Variants in ASTN2 observed in about 807,000 individuals in gnomAD.
ASTN2 encodes the protein astrotactin 2.
A neutral mutation model predicts 139.8 loss-of-function variants in ASTN2; 54 were observed. The observed-to-expected ratio is 0.39, with a 90% CI of 0.31 to 0.48. The LOEUF is 0.48. Among genes scored for constraint, ASTN2 ranks in the 20% least tolerant of loss-of-function variants. The pLI, the probability that ASTN2 is intolerant of heterozygous loss-of-function variation, is 0.95. For missense variants in ASTN2, 1,565 were observed against 1,725.1 expected, an observed-to-expected ratio of 0.91 and a Z score of 1.64; for synonymous variants, 756 against 719.5, an observed-to-expected ratio of 1.05 and a Z score of -0.81.
intron 19 of ASTN2, among the ~76,000 whole-genome samples, chr9:116,581,402 C>T (rs964887819): frequency 3.3e-5 from 5 of 152,144 alleles, no homozygotes; most frequent in Non-Finnish European, 7.3e-5. Context: ...TTACCTGGTG[C>T]CCCAGTTCCC....
chr9:116,784,967 T>C (rs1483724011), intron 13 of ASTN2, among the ~76,000 whole-genome samples: 1 of 148,358 alleles, frequency 6.7e-6, no homozygotes, highest in Non-Finnish European at 1.5e-5. Context: ...GAGCAAGAAA[T>C]GGATATTTGA....
At chr9:116,674,421 G>A (rs1223452609) in intron 16 of ASTN2, among the ~76,000 whole-genome samples, 2 of 152,332 alleles carry the variant, frequency 1.3e-5, no homozygotes, top group East Asian at 3.9e-4. Flanking sequence ...TAATGACAAA[G>A]GCTTTGAGTC....
intron 16 of ASTN2, among the ~76,000 whole-genome samples, chr9:116,724,224 A>G (rs1828553390): frequency 1.3e-5 from 2 of 152,206 alleles, no homozygotes; most frequent in Admixed American, 1.3e-4. Flanking sequence ...CTGCTTAATG[A>G]TGTGTCACAT....
At chr9:117,032,958 C>T (rs932016668) in intron 6 of ASTN2, among the ~76,000 whole-genome samples, 3 of 152,088 alleles carry the variant, frequency 2.0e-5, no homozygotes, top group African/African-American at 4.8e-5. Context: ...AATAAAAAGA[C>T]ATTTTAGCAT....
intron 10 of ASTN2, among the ~76,000 whole-genome samples, chr9:116,968,452 G>C (rs562856780): frequency 7.2e-4 from 109 of 152,278 alleles, no homozygotes; most frequent in Non-Finnish European, 7.4e-5. Context: ...TGCTCCAAGA[G>C]TCATTGCTGA....
intron 2 of ASTN2, among the ~76,000 whole-genome samples, chr9:117,238,391 G>T (rs549894505): frequency 6.6e-6 from 1 of 152,146 alleles, no homozygotes; most frequent in Non-Finnish European, 1.5e-5. Context: ...AAGTGACGTT[G>T]GTCAAGTCCT....
intron 7 of ASTN2, among the ~76,000 whole-genome samples, chr9:116,999,548 CTTTTTTTTTTTTT>C (rs71379248): frequency 8.6e-4 from 82 of 94,922 alleles, no homozygotes; most frequent in African/African-American, 3.7e-3. Flanking sequence ...TTCTCTCTTT[CTTTTTTTTTTTTT>C]TTTTTTTTTT....
chr9:117,205,950 C>G (rs79257809), intron 3 of ASTN2, among the ~76,000 whole-genome samples: 2,462 of 152,270 alleles, frequency 0.016, 60 homozygotes, highest in African/African-American at 0.057. Context: ...TCCAAATAAT[C>G]AATTGTCCCC....
intron 10 of ASTN2, among the ~76,000 whole-genome samples, chr9:116,907,861 C>T (rs1336747038): frequency 6.6e-6 from 1 of 152,076 alleles, no homozygotes; most frequent in Non-Finnish European, 1.5e-5. Flanking sequence ...CAAATTCCCC[C>T]TAGTAAGATG....
At chr9:117,136,629 G>A (rs930473903) in intron 4 of ASTN2, among the ~76,000 whole-genome samples, 5 of 152,172 alleles carry the variant, frequency 3.3e-5, no homozygotes, top group African/African-American at 4.8e-5. Context: ...AGCTGTCAGG[G>A]TAGAGCATGC....
chr9:117,229,817 G>A (rs1433673354), intron 2 of ASTN2, among the ~76,000 whole-genome samples: 1 of 152,044 alleles, frequency 6.6e-6, no homozygotes, highest in Non-Finnish European at 1.5e-5. Context: ...GGTGGAATAG[G>A]GACTGGTGGT....
At chr9:117,009,548 C>A (rs1837453236) in intron 6 of ASTN2, among the ~76,000 whole-genome samples, 1 of 152,076 alleles carries the variant, frequency 6.6e-6, no homozygotes, top group Non-Finnish European at 1.5e-5. Flanking sequence ...CCAAACAGAA[C>A]CAGGCTTCAC....
intron 13 of ASTN2, among the ~76,000 whole-genome samples, chr9:116,779,404 GA>G (rs1830161504): frequency 1.3e-5 from 2 of 152,202 alleles, no homozygotes; most frequent in East Asian, 3.9e-4. Context: ...CCCCTCACCA[GA>G]CACTGAACCT....
chr9:117,321,891 A>G (rs974014144), intron 1 of ASTN2, among the ~76,000 whole-genome samples: 1 of 152,130 alleles, frequency 6.6e-6, no homozygotes, highest in Admixed American at 6.5e-5. Context: ...ACTGGCTCCA[A>G]ATATGGTCAA....
At chr9:116,431,229 G>C (rs2118827222) in intron 22 of ASTN2, among the ~76,000 whole-genome samples, 1 of 152,228 alleles carries the variant, frequency 6.6e-6, no homozygotes, top group Middle Eastern at 3.4e-3. Flanking sequence ...TTTCTAAGGG[G>C]ACCCTGAAAT....
intron 1 of ASTN2, among the ~76,000 whole-genome samples, chr9:117,332,419 A>C (rs925512074): frequency 2.6e-5 from 4 of 152,218 alleles, no homozygotes; most frequent in Admixed American, 2.0e-4. Context: ...AAAAATACAA[A>C]AATTAGCTGG....
rs374263481 is a variant in ASTN2, at chr9:116,651,705, T to C, written c.2895A>G (p.Ser965=). Residue 965 remains serine (S), a synonymous_variant, in exon 17 of 23, where the codon TCA becomes TCG. Coordinates refer to ENST00000313400, the MANE Select transcript of ASTN2 (RefSeq NM_001365068.1). ...CCACACCTGAAATGAGCTGGTCATC[T>C]GACAGCATCTGGGCTGTCAGCAAAC... ...LSGLLTAQML[S]DDQLISGVEI... is the part of the protein sequence containing the mutation. 2.5e-5 allele frequency: 41 copies of C among 1,614,072 alleles called. No homozygotes were observed. In the South Asian group the frequency reaches 3.4e-4, roughly 13 times the overall value.
chr9:116,531,375 T>C (rs1349417962), intron 19 of ASTN2, among the ~76,000 whole-genome samples: 2 of 152,240 alleles, frequency 1.3e-5, no homozygotes, highest in East Asian at 3.8e-4. Context: ...GTTTACAATT[T>C]TTTTATTATA....
intron 5 of ASTN2, among the ~76,000 whole-genome samples, chr9:117,048,556 G>T (rs890165854): frequency 3.9e-5 from 6 of 152,180 alleles, no homozygotes; most frequent in African/African-American, 1.2e-4. Flanking sequence ...GGCTACAAAC[G>T]GCTGGCTATT....
Sources: allele counts gnomAD v4.1 joint callset (sites outside exome capture counted in the v4.1 genomes callset), GRCh38; gene constraint gnomAD v4.1.1; transcripts MANE v1.5; gene names NCBI Gene and HGNC (gene_info 2026-07-23, HGNC 2026-07-21).